Variants in DDX4 observed in about 807,000 individuals in gnomAD.
DDX4 encodes DEAD-box helicase 4.
DDX4 carries 25 observed loss-of-function variants against 100.0 expected under a neutral mutation model. The observed-to-expected ratio is 0.25, with a 90% confidence interval of 0.18 to 0.35. The LOEUF is 0.35. DDX4 is among the 10% of genes least tolerant of loss of function. The pLI is 1.00. For synonymous variants in DDX4, 259 were observed against 275.7 expected (o/e 0.94, Z 0.60); for missense variants, 635 against 882.4 (o/e 0.72, Z 3.55).
chr5:55,809,763 C>CTG (rs2112176356), intron 18 of DDX4, among the ~76,000 whole-genome samples: 1 of 152,272 alleles, frequency 6.6e-6, no homozygotes, highest in South Asian at 2.1e-4. Flanking sequence ...ATGTGTAAGT[C>CTG]TGATGTACAT....
At chr5:55,812,377 C>T (rs181970590) in intron 18 of DDX4, among the ~76,000 whole-genome samples, 9 of 152,118 alleles carry the variant, frequency 5.9e-5, no homozygotes, top group South Asian at 4.1e-4. Context: ...CTGGCTAACA[C>T]GGTGAAACCC....
At chr5:55,792,212 T>G (rs908934641) in intron 16 of DDX4, among the ~76,000 whole-genome samples, 11 of 151,752 alleles carry the variant, frequency 7.2e-5, no homozygotes, top group African/African-American at 2.7e-4. Flanking sequence ...ATCTAGACAT[T>G]TGGTTTCTTT....
chr5:55,779,218 A>G (rs1267590202), intron 7 of DDX4, among the ~76,000 whole-genome samples: 1 of 152,236 alleles, frequency 6.6e-6, no homozygotes, highest in Non-Finnish European at 1.5e-5. Flanking sequence ...ATACCTTTAC[A>G]GAAAAGGTTC....
At chr5:55,806,175 C>A (rs1743699560) in intron 18 of DDX4, among the ~76,000 whole-genome samples, 1 of 152,114 alleles carries the variant, frequency 6.6e-6, no homozygotes, top group African/African-American at 2.4e-5. Flanking sequence ...GTGATATCCC[C>A]TTTATCATTT....
intron 18 of DDX4, among the ~76,000 whole-genome samples, chr5:55,809,440 A>G (rs537499392): frequency 7.2e-5 from 11 of 152,240 alleles, no homozygotes; most frequent in Admixed American, 1.3e-4. Context: ...AGCTGTTCCT[A>G]TTTGGCCATC....
At chr5:55,763,129 A>C (rs1457526989) in intron 4 of DDX4, 46 bp from the exon 5 acceptor site, 1 of 1,253,578 alleles carries the variant, frequency 8.0e-7, no homozygotes, top group East Asian at 2.3e-5. Flanking sequence ...ATGATGACAC[A>C]CTTAATTTTA....
chr5:55,784,516 G>A (rs1193107316), intron 10 of DDX4, among the ~76,000 whole-genome samples: 2 of 152,148 alleles, frequency 1.3e-5, no homozygotes, highest in Non-Finnish European at 2.9e-5. Context: ...AATTGACACC[G>A]CAAATTAACC....
intron 2 of DDX4, among the ~76,000 whole-genome samples, chr5:55,744,850 ATTTAC>A (rs542246702): frequency 6.6e-6 from 1 of 151,886 alleles, no homozygotes; most frequent in South Asian, 2.1e-4. Context: ...CCATAAGTGA[ATTTAC>A]TTTACAGTGA....
rs1383336379 is a variant in DDX4, at chr5:55,746,052, T to C, written c.70-112T>C. 2.5e-5 allele frequency: 20 copies of C among 786,502 alleles called. No individual in the cohort carries two copies. In the Admixed American group the frequency reaches 2.6e-4, roughly 10 times the overall value. 48.7% of individuals were successfully genotyped at this position (786,502 alleles called of 1,614,324 possible). On this transcript the variant is annotated intron_variant, in intron 2 of 21. Transcript: ENST00000505374. The stretch of plus-strand genomic sequence containing the variant: ...ATTTAGAAAACCTTACAGTCTATCA[T>C]TATTTTGTTCTGAACAAAGCTCAAT...
At chr5:55,794,251 G>A (rs1025014846) in intron 17 of DDX4, among the ~76,000 whole-genome samples, 3 of 150,072 alleles carry the variant, frequency 2.0e-5, no homozygotes, top group Non-Finnish European at 4.4e-5. Flanking sequence ...GCAATGGCGC[G>A]ATCTTGGCTC....
At chr5:55,805,772 G>A (rs1414985178) in intron 18 of DDX4, among the ~76,000 whole-genome samples, 1 of 152,120 alleles carries the variant, frequency 6.6e-6, no homozygotes, top group African/African-American at 2.4e-5. Flanking sequence ...CAGGGATATT[G>A]GTCTAAAATT....
chr5:55,766,075 C>T (rs1401789751), intron 6 of DDX4, among the ~76,000 whole-genome samples: 1 of 151,768 alleles, frequency 6.6e-6, no homozygotes, highest in Non-Finnish European at 1.5e-5. Flanking sequence ...CCTCGGCCTC[C>T]CACAGTGCTA....
At chr5:55,755,316 T>G (rs1276978765) in intron 3 of DDX4, among the ~76,000 whole-genome samples, 1 of 152,168 alleles carries the variant, frequency 6.6e-6, no homozygotes, top group African/African-American at 2.4e-5. Context: ...TTTTTTAAAA[T>G]CATGCCAAGA....
At chr5:55,800,754 A>G (rs772413603) in intron 18 of DDX4, among the ~76,000 whole-genome samples, 20 of 152,136 alleles carry the variant, frequency 1.3e-4, no homozygotes, top group Admixed American at 4.6e-4. Context: ...CACTATTGAT[A>G]TACTTCTGTA....
intron 10 of DDX4, among the ~76,000 whole-genome samples, chr5:55,783,870 A>G (rs1360520291): frequency 6.7e-6 from 1 of 150,324 alleles, no homozygotes; most frequent in Non-Finnish European, 1.5e-5. Flanking sequence ...TTTAAGTTCT[A>G]GGGGACATGT....
chr5:55,775,986 T>G (rs1741537620), intron 7 of DDX4, among the ~76,000 whole-genome samples: 1 of 152,148 alleles, frequency 6.6e-6, no homozygotes, highest in African/African-American at 2.4e-5. Context: ...CTGGGCGTGG[T>G]GGTGCAGCCC....
Position 55,784,393 on chromosome 5 carries a change from C to T in DDX4, c.626-904C>T, listed in dbSNP as rs115373023. 9.6e-3 allele frequency among the ~76,000 whole-genome samples: 1,455 copies of T among 152,202 alleles called. 23 individuals carry two copies. The highest frequency in any genetic ancestry group is 0.032 in the African/African-American group (1,321 of 41,522). On this transcript the variant is annotated intron_variant, in intron 10 of 21. Coordinates refer to ENST00000505374, the MANE Select transcript of DDX4 (RefSeq NM_024415.3). The stretch of plus-strand genomic sequence containing the variant: ...GTGCCTGCCCAGATTGGATGAGGGT[C>T]GATCTTCTTACTCTGTCCACTGATA...
chr5:55,777,648 T>G (rs1377256231), intron 7 of DDX4: 1 of 152,240 alleles, frequency 6.6e-6, no homozygotes, highest in Non-Finnish European at 1.5e-5. Context: ...ATGCTGGGCT[T>G]AATACCTAGG....
intron 7 of DDX4, among the ~76,000 whole-genome samples, chr5:55,771,493 G>A (rs1052502065): frequency 4.6e-5 from 7 of 152,082 alleles, no homozygotes; most frequent in African/African-American, 1.7e-4. Flanking sequence ...TTTTCTATTA[G>A]TGATAGGTAT....
Sources: gnomAD v4.1 joint callset for allele counts (sites outside exome capture counted in the v4.1 genomes callset) on GRCh38, gnomAD v4.1.1 for gene constraint, MANE v1.5 for transcripts, NCBI Gene and HGNC (gene_info 2026-07-23, HGNC 2026-07-21) for gene names.